ATP1A2: variants seen among roughly 807,000 people sequenced by gnomAD.
ATP1A2 encodes the protein sodium/potassium-transporting ATPase subunit alpha-2.
In ATP1A2, 56 loss-of-function variants were observed where a neutral mutation model predicts 113.1. That is an observed-to-expected ratio of 0.49 (90% CI 0.40 to 0.62). ATP1A2 has a LOEUF of 0.62. Ranked by LOEUF, ATP1A2 falls within the 20% of genes least tolerant of loss-of-function variation. The pLI, the probability that ATP1A2 is intolerant of heterozygous loss-of-function variation, is 0.00. For synonymous variants in ATP1A2, 490 were observed against 526.8 expected, an observed-to-expected ratio of 0.93 and a Z score of 0.96; for missense variants, 712 against 1,357.8, an observed-to-expected ratio of 0.52 and a Z score of 7.47.
At chr1:160,121,419 A>C (rs1651393358) in intron 3 of ATP1A2, 168 bp downstream of exon 3, 1 of 797,428 alleles carries the variant, frequency 1.3e-6, no homozygotes, top group Non-Finnish European at 2.1e-6. Flanking sequence ...TGGCACAGCC[A>C]GAACTAGAAT....
chr1:160,128,859 G>C lies in ATP1A2; in HGVS notation c.1216+9G>C, dbSNP rs781497176. On this transcript the variant is annotated intron_variant, in intron 9 of 22. Transcript: ENST00000361216. ...CACCGAAGATCAGTCTGGTGATTGG[G>C]TGCTCCAGAGGGGGTGGATAGGATT... is the stretch of plus-strand genomic sequence containing the variant. The C allele has an allele frequency of 3.1e-6, 5 of 1,614,036 alleles. No homozygotes were observed. In the African/African-American group the frequency reaches 5.3e-5, roughly 17 times the overall value.
Position 160,121,002 on chromosome 1 carries a change from GT to G in ATP1A2, c.110del (p.Val37GlyfsTer133). 1 of 1,614,106 alleles carries G rather than the reference GT, an allele frequency of 6.2e-7. No individual in the cohort carries two copies. The highest frequency in any genetic ancestry group is 8.5e-7 in the Non-Finnish European group (1 of 1,179,964). On this transcript the variant is annotated frameshift_variant, in exon 2 of 23. Coordinates refer to ENST00000361216, the MANE Select transcript of ATP1A2 (RefSeq NM_000702.4). LOFTEE classifies it high-confidence loss of function. ...GGAACTGGATGAGCTGAAGAAGGAG[GT>G]GGCAATGGTGAGGGAACTGCTGGGC... ...EKELDELKKE[V>X]AMDDHKLSLD...
chr1:160,136,856 C>G (rs1651970306), intron 19 of ATP1A2, 45 bp from the exon 20 acceptor site: 1 of 1,614,236 alleles, frequency 6.2e-7, no homozygotes, highest in African/African-American at 1.3e-5. Context: ...TGGTCCTACC[C>G]TTTCCTCCGA....
intron 13 of ATP1A2, among the ~76,000 whole-genome samples, chr1:160,131,706 C>T (rs1282302910): frequency 6.6e-6 from 1 of 152,018 alleles, no homozygotes; most frequent in Admixed American, 6.6e-5. Flanking sequence ...TGGCAGGTGC[C>T]TGTAATCCCA....
intron 22 of ATP1A2, 50 bp downstream of exon 22, chr1:160,140,034 T>A: frequency 6.4e-7 from 1 of 1,572,072 alleles, no homozygotes. Flanking sequence ...CACCACCAGC[T>A]CCTCCCTCCA....
rs55884181 is a variant in ATP1A2, at chr1:160,140,045, G to A, written c.3034+61G>A. On this transcript the variant is annotated intron_variant, in intron 22 of 22. Coordinates refer to ENST00000361216, the MANE Select transcript of ATP1A2 (RefSeq NM_000702.4). ...GCCCCACCACCAGCTCCTCCCTCCAGGACCACACGCAGACTCCACTCCCAC... is the reference window on the plus strand; with the variant it reads ...GCCCCACCACCAGCTCCTCCCTCCAAGACCACACGCAGACTCCACTCCCAC... The A allele has an allele frequency of 0.13, 203,185 of 1,525,224 alleles. 14,127 individuals are homozygous for A. Among genetic ancestry groups the A allele is most frequent in the Admixed American group, 0.14 (8,392 of 59,702 alleles). 94.5% of individuals were successfully genotyped at this position (1,525,224 alleles called of 1,614,324 possible).
At chr1:160,140,630 T>A (rs1273416775) in intron 22 of ATP1A2, 1 of 168,266 alleles carries the variant, frequency 5.9e-6, no homozygotes, top group Admixed American at 5.5e-5. Context: ...TAATCCCATG[T>A]CCACATCTCT....
intron 13 of ATP1A2, among the ~76,000 whole-genome samples, chr1:160,133,778 G>C (rs777770169): frequency 1.4e-4 from 22 of 152,028 alleles, no homozygotes; most frequent in Non-Finnish European, 2.8e-4. Flanking sequence ...TTGTTAAAGG[G>C]TCCTTCCAGC....
At chr1:160,130,372 T>A in intron 12 of ATP1A2, 50 bp from the exon 13 acceptor site, 1 of 1,614,062 alleles carries the variant, frequency 6.2e-7, no homozygotes, top group African/African-American at 1.3e-5. Flanking sequence ...TGTGGGGGCG[T>A]CCAGGAAGCC....
Position 160,135,430 on chromosome 1 carries a change from C to T in ATP1A2, c.2116-4C>T, listed in dbSNP as rs1424933764. On this transcript the variant is annotated splice_region_variant and splice_polypyrimidine_tract_variant and intron_variant, in intron 15 of 22. Transcript: ENST00000361216. This position sits in a 1 kb window ranked among gnomAD's most constrained non-coding sequence, Gnocchi z 6.3. ...GTCCTCAAGTGTGGCCGTCTTCCCT[C>T]CAGGGAGCCATTGTGGCCGTGACGG... The T allele has an allele frequency of 6.2e-7, 1 of 1,614,148 alleles. No homozygotes were observed. Among genetic ancestry groups the T allele is most frequent in the Admixed American group, 1.7e-5 (1 of 60,020 alleles).
intron 1 of ATP1A2, 50 bp from the exon 2 acceptor site, chr1:160,120,856 G>T: frequency 6.5e-7 from 1 of 1,535,298 alleles, no homozygotes; most frequent in Non-Finnish European, 8.8e-7. Context: ...GGGAATGGAG[G>T]CCCCAGCCCC....
Position 160,139,947 on chromosome 1 carries a change from T to C in ATP1A2, c.2997T>C (p.Asp999=). 6.2e-7 allele frequency: 1 copy of C among 1,614,074 alleles called. No individual in the cohort carries two copies. Among genetic ancestry groups the C allele is most frequent in the South Asian group, 1.1e-5 (1 of 91,072 alleles). Residue 999 remains aspartate, a synonymous_variant, in exon 22 of 23, where the codon GAT becomes GAC. Coordinates refer to ENST00000361216, the MANE Select transcript of ATP1A2 (RefSeq NM_000702.4). ...ACAGCCTCCTCATCTTCATCTATGA[T>C]GAGGTCCGAAAGCTCATCCTGCGGC... The part of the protein sequence containing the change: ...FPYSLLIFIY[D]EVRKLILRRY...
In ATP1A2 at chr1:160,139,989, G is replaced by A. The variant is rs1394087652; in HGVS notation, c.3034+5G>A. 6.2e-7 allele frequency: 1 copy of A among 1,613,324 alleles called. No individual in the cohort carries two copies. The highest frequency in any genetic ancestry group is 8.5e-7 in the Non-Finnish European group (1 of 1,179,922). ...TCCTGCGGCGGTATCCTGGTGGTAA[G>A]CCCCTCCACATTCCCCCCAGCAAAG... is the stretch of plus-strand genomic sequence containing the variant. On this transcript the variant is annotated splice_donor_5th_base_variant and intron_variant, in intron 22 of 22. Transcript: ENST00000361216.
intron 22 of ATP1A2, 152 bp downstream of exon 22, chr1:160,140,136 A>G (rs369268349): frequency 4.0e-6 from 3 of 752,258 alleles, no homozygotes; most frequent in Non-Finnish European, 6.8e-6. Flanking sequence ...AGGAGCCCTG[A>G]CTCTTTCGAA....
rs1651944837 is a variant in ATP1A2, at chr1:160,136,277, G to GC, written c.2471dup (p.Glu825Ter). The GC allele has an allele frequency of 6.2e-7, 1 of 1,614,210 alleles. No individual in the cohort carries two copies. Among genetic ancestry groups the GC allele is most frequent in the Non-Finnish European group, 8.5e-7 (1 of 1,180,030 alleles). On this transcript the variant is annotated frameshift_variant, in exon 18 of 23. Coordinates refer to ENST00000361216, the MANE Select transcript of ATP1A2 (RefSeq NM_000702.4). LOFTEE classifies it high-confidence loss of function. ...TGCCATCTCCTTGGCCTATGAGGCA[G>GC]CTGAGAGTGATATCATGAAGCGGCA...
In ATP1A2 at chr1:160,136,279, T is replaced by C. The variant is rs1651944922; in HGVS notation, c.2472T>C (p.Ala824=). ...CCATCTCCTTGGCCTATGAGGCAGCTGAGAGTGATATCATGAAGCGGCAGC... is the reference window on the plus strand; with the variant it reads ...CCATCTCCTTGGCCTATGAGGCAGCCGAGAGTGATATCATGAAGCGGCAGC... ...VPAISLAYEA[A]ESDIMKRQPR... Residue 824 remains alanine, a synonymous_variant, in exon 18 of 23, where the codon GCT becomes GCC. Coordinates refer to ENST00000361216, the MANE Select transcript of ATP1A2 (RefSeq NM_000702.4). 1 of 1,614,048 alleles carries C rather than the reference T, an allele frequency of 6.2e-7. No homozygotes were observed. The highest frequency in any genetic ancestry group is 1.1e-5 in the South Asian group (1 of 91,086).
chr1:160,136,391 C>G (rs752883804), intron 18 of ATP1A2, 21 bp downstream of exon 18: 15 of 1,613,586 alleles, frequency 9.3e-6, no homozygotes, highest in Non-Finnish European at 1.3e-5. Flanking sequence ...CCCCGGGCCT[C>G]GGGAGGGAAC....
chr1:160,135,554 A>G lies in ATP1A2; in HGVS notation c.2236A>G (p.Ile746Val), dbSNP rs1651910346. ...CGTCTCTAAGCAGGCAGCCGACATG[A>G]TCCTGCTGGATGACAACTTTGCCTC... Reference protein sequence around the residue: ...SDVSKQAADMILLDDNFASIV... With the variant: ...SDVSKQAADMVLLDDNFASIV... The change falls in exon 16 of 23, where the codon ATC (isoleucine) becomes GTC (valine). Residue 746 changes from isoleucine (I) to valine (V), a missense_variant. By Grantham distance (29) the Ile-to-Val change is conservative (BLOSUM62 3). Transcript: ENST00000361216. This position sits in a 1 kb window ranked among gnomAD's most constrained non-coding sequence, Gnocchi z 6.3. The G allele has an allele frequency of 6.2e-7, 1 of 1,614,122 alleles. No homozygotes were observed.
rs1652206305 is a variant in ATP1A2, at chr1:160,143,136, G to T, written c.*1814G>T. On this transcript the variant is annotated 3_prime_UTR_variant, in exon 23 of 23. Coordinates refer to ENST00000361216, the MANE Select transcript of ATP1A2 (RefSeq NM_000702.4). ...AAGGAAGCACAAAAGACAAGCATTG[G>T]GTCAGACCCATAAACCACCTCCCAA... 1 of 152,212 alleles carries T rather than the reference G, an allele frequency of 6.6e-6. No homozygotes were observed. The highest frequency in any genetic ancestry group is 2.1e-4 in the South Asian group (1 of 4,836). 9.4% of individuals were successfully genotyped at this position (152,212 alleles called of 1,614,324 possible). A position where few individuals can be genotyped will look rare whatever the true frequency, so the allele number is the denominator to read the frequency against.
Sources: allele counts gnomAD v4.1 joint callset (sites outside exome capture counted in the v4.1 genomes callset), GRCh38; gene constraint gnomAD v4.1.1; non-coding constraint Gnocchi (gnomAD v3.1); transcripts MANE v1.5; gene names NCBI Gene and HGNC (gene_info 2026-07-23, HGNC 2026-07-21).